Variants in OSBPL10 observed in about 807,000 individuals in gnomAD.
OSBPL10 encodes oxysterol binding protein like 10, also known as oxysterol-binding protein-related protein 10.
A neutral mutation model predicts 81.7 loss-of-function variants in OSBPL10; 49 were observed. The ratio of observed to expected loss-of-function variants is 0.60; its 90% CI spans 0.48 to 0.76. The LOEUF is 0.76. Ranked by LOEUF, OSBPL10 falls within the 30% of genes least tolerant of loss-of-function variation. The pLI, the probability that OSBPL10 is intolerant of heterozygous loss-of-function variation, is 0.00. For missense variants in OSBPL10, 923 were observed against 987.8 expected, an observed-to-expected ratio of 0.93 and a Z score of 0.88; for synonymous variants, 419 against 383.6, an observed-to-expected ratio of 1.09 and a Z score of -1.08.
Position 31,709,035 on chromosome 3 carries a change from T to G in OSBPL10, c.1096-6527A>C, listed in dbSNP as rs997790904. On this transcript the variant is annotated intron_variant, in intron 6 of 11. Transcript: ENST00000396556. ...TGTGCCTCAAAGGCCACCGGCGAAT[T>G]TAGGGGACCTTATCTTGCCATTTGG... The G allele has an allele frequency of 3.0e-6, 3 of 985,358 alleles. No homozygotes were observed. In the African/African-American group the frequency reaches 5.2e-5, roughly 17 times the overall value. 61.0% of individuals were successfully genotyped at this position (985,358 alleles called of 1,614,324 possible). A position where few individuals can be genotyped will look rare whatever the true frequency, so the allele number is the denominator to read the frequency against.
chr3:31,828,667 G>C (rs1164954317), intron 4 of OSBPL10, among the ~76,000 whole-genome samples: 1 of 152,092 alleles, frequency 6.6e-6, no homozygotes, highest in Admixed American at 6.6e-5. Flanking sequence ...TAAGTAGCTG[G>C]GACTACAGTC....
intron 1 of OSBPL10, among the ~76,000 whole-genome samples, chr3:32,061,209 C>A (rs190433204): frequency 1.1e-5 from 1 of 91,430 alleles, no homozygotes; most frequent in African/African-American, 2.8e-5. Flanking sequence ...CACCCCACAG[C>A]TCCCCTCTCA....
intron 1 of OSBPL10, among the ~76,000 whole-genome samples, chr3:31,931,144 G>C (rs1161702325): frequency 6.6e-6 from 1 of 151,918 alleles, no homozygotes; most frequent in Non-Finnish European, 1.5e-5. Context: ...TCTTTGGAGA[G>C]GGAGACCGAG....
intron 1 of OSBPL10, among the ~76,000 whole-genome samples, chr3:31,972,967 G>T (rs1698605232): frequency 6.6e-6 from 1 of 152,082 alleles, no homozygotes; most frequent in African/African-American, 2.4e-5. Flanking sequence ...TGATATCATT[G>T]CATGAGGCAC....
intron 4 of OSBPL10, among the ~76,000 whole-genome samples, chr3:31,776,438 A>G (rs959374245): frequency 1.3e-5 from 2 of 152,246 alleles, no homozygotes; most frequent in Non-Finnish European, 2.9e-5. Context: ...TAAAATTACC[A>G]TATGACCCAG....
At chr3:32,038,874 C>T (rs1699544250) in intron 2 of OSBPL10, among the ~76,000 whole-genome samples, 1 of 151,756 alleles carries the variant, frequency 6.6e-6, no homozygotes, top group South Asian at 2.1e-4. Context: ...AAATCCTAGG[C>T]AAGAAAAGTA....
intron 1 of OSBPL10, among the ~76,000 whole-genome samples, chr3:31,942,026 G>T (rs191850354): frequency 2.6e-5 from 4 of 152,170 alleles, no homozygotes; most frequent in African/African-American, 9.7e-5. Flanking sequence ...TGTAATCCCA[G>T]CACTTTGGGA....
At chr3:31,848,346 C>T (rs532220071) in intron 3 of OSBPL10, among the ~76,000 whole-genome samples, 1 of 151,548 alleles carries the variant, frequency 6.6e-6, no homozygotes, top group Admixed American at 6.6e-5. Flanking sequence ...CAAGCCCCCC[C>T]CAGTTAGTTC....
rs373298736 is a variant in OSBPL10, at chr3:32,033,777, A to G, written n.298+12714T>C. Among the ~76,000 whole-genome samples, 6 of 152,324 alleles carry G rather than the reference A, an allele frequency of 3.9e-5. No individual in the cohort carries two copies. In the East Asian group the frequency reaches 1.2e-3, roughly 29 times the overall value. On this transcript the variant is annotated intron_variant and non_coding_transcript_variant, in intron 2 of 3. Coordinates refer to the OSBPL10 transcript ENST00000479173. ...GAAAGGTGAGAAATTAAGAATTTCT[A>G]TCAGGCCAGGTGCAGTGGCTCATGC...
At chr3:31,895,035 C>T (rs1388575904) in intron 1 of OSBPL10, among the ~76,000 whole-genome samples, 3 of 151,954 alleles carry the variant, frequency 2.0e-5, no homozygotes, top group African/African-American at 7.3e-5. Context: ...GCATGGGTCT[C>T]TGATTTCTGT....
intron 8 of OSBPL10, among the ~76,000 whole-genome samples, chr3:31,678,131 G>C (rs1480601439): frequency 8.2e-5 from 12 of 146,210 alleles, no homozygotes; most frequent in Non-Finnish European, 1.8e-4. Flanking sequence ...ATGTTGGTTA[G>C]TTCAGGGGAC....
At chr3:31,698,517 C>T (rs1326463433) in intron 7 of OSBPL10, among the ~76,000 whole-genome samples, 3 of 152,042 alleles carry the variant, frequency 2.0e-5, no homozygotes, top group South Asian at 2.1e-4. Flanking sequence ...TCAAAACCCT[C>T]CAATGGCCAC....
chr3:31,929,870 A>C (rs1294210495), intron 1 of OSBPL10, among the ~76,000 whole-genome samples: 1 of 152,046 alleles, frequency 6.6e-6, no homozygotes, highest in African/African-American at 2.4e-5. Context: ...ATGGCGACTC[A>C]TGCCTGTAAT....
At position 31,661,110 on chromosome 3, in the gene OSBPL10, G is replaced by T. The variant is rs1225285486; in HGVS notation, c.*962C>A. On this transcript the variant is annotated 3_prime_UTR_variant, in exon 12 of 12. Coordinates refer to ENST00000396556, the MANE Select transcript of OSBPL10 (RefSeq NM_017784.5). Reference sequence around the variant, plus strand: ...CATGGAATATTTATGCAGGCGTTATGTATGTTTTAGTCACAGTGCTTTCTT... The same window carrying T: ...CATGGAATATTTATGCAGGCGTTATTTATGTTTTAGTCACAGTGCTTTCTT... The T allele has an allele frequency of 6.6e-5, 10 of 152,596 alleles. No homozygotes were observed. The highest frequency in any genetic ancestry group is 2.2e-4 in the African/African-American group (9 of 41,436). The allele number at this position is 152,596 out of a possible 1,614,324, so 9.5% of individuals were successfully genotyped here. A position where few individuals can be genotyped will look rare whatever the true frequency, so the allele number is the denominator to read the frequency against.
At chr3:31,865,830 A>G (rs915267874) in intron 3 of OSBPL10, among the ~76,000 whole-genome samples, 1 of 152,248 alleles carries the variant, frequency 6.6e-6, no homozygotes, top group African/African-American at 2.4e-5. Context: ...TACCCTCTCT[A>G]AAAGAATAAA....
At chr3:31,866,886 A>G (rs1701194247) in intron 3 of OSBPL10, among the ~76,000 whole-genome samples, 1 of 152,202 alleles carries the variant, frequency 6.6e-6, no homozygotes, top group South Asian at 2.1e-4. Flanking sequence ...CAGCATGAAC[A>G]TTAATATATA....
chr3:31,847,923 C>T (rs540063821), intron 3 of OSBPL10, among the ~76,000 whole-genome samples: 4 of 152,158 alleles, frequency 2.6e-5, no homozygotes, highest in South Asian at 4.1e-4. Context: ...GCCTGTGGGA[C>T]GAGGAGCCAG....
chr3:31,760,852 G>A (rs893393526), intron 4 of OSBPL10, among the ~76,000 whole-genome samples: 5 of 152,118 alleles, frequency 3.3e-5, no homozygotes, highest in African/African-American at 9.7e-5. Flanking sequence ...CGAACATTAC[G>A]ATGATGTTTA....
chr3:31,966,157 G>C lies in OSBPL10; in HGVS notation c.281+14742C>G, dbSNP rs77254156. ...TACAACAACAACAACAAAATTATGT[G>C]TGTGTGTGTGTGTGTGTGTGTGTGT... On this transcript the variant is annotated intron_variant, in intron 1 of 11. Coordinates refer to ENST00000396556, the MANE Select transcript of OSBPL10 (RefSeq NM_017784.5). Among the ~76,000 whole-genome samples, 77 of 48,038 alleles carry C rather than the reference G, an allele frequency of 1.6e-3. No individual in the cohort carries two copies. In the African/African-American group the frequency reaches 0.016, roughly 10 times the overall value. The allele number at this position is 48,038 out of a possible 152,430, so 31.5% of individuals were successfully genotyped here.
Sources: allele counts gnomAD v4.1 joint callset (sites outside exome capture counted in the v4.1 genomes callset), GRCh38; gene constraint gnomAD v4.1.1; transcripts MANE v1.5; gene names NCBI Gene and HGNC (gene_info 2026-07-23, HGNC 2026-07-21).